Variants in METAP1D observed in about 807,000 individuals in gnomAD.
The protein encoded by METAP1D is methionyl aminopeptidase type 1D, mitochondrial.
A neutral mutation model predicts 40.5 loss-of-function variants in METAP1D; 31 were observed. The observed-to-expected ratio is 0.77, with a 90% CI of 0.58 to 1.03. The LOEUF is 1.03. METAP1D is among the 50% of genes least tolerant of loss of function. The pLI, the probability that METAP1D is intolerant of heterozygous loss-of-function variation, is 0.00. For synonymous variants in METAP1D, 151 were observed against 146.4 expected (o/e 1.03, Z -0.22); for missense variants, 411 against 420.7 (o/e 0.98, Z 0.20).
rs774575033 is a variant in METAP1D at position 172,066,265 on chromosome 2, C to A, written c.499C>A (p.Arg167=). 9 of 1,609,172 alleles carry A rather than the reference C, an allele frequency of 5.6e-6. No homozygotes were observed. The highest frequency in any genetic ancestry group is 3.3e-4 in the Middle Eastern group (2 of 6,072). ...TTTTTTTTTCTGTTTACGTTTTAGT[C>A]GACCTCTTCAGGATGGAGATATTAT... ...NVLCHGIPDS[R]PLQDGDIINI... is the part of the protein sequence containing the mutation. The change falls in exon 5 of 10, where the codon CGA becomes AGA. Residue 167 remains arginine (R), a splice_region_variant and synonymous_variant. Transcript: ENST00000315796.
At chr2:172,024,523 A>G (rs973942333) in intron 1 of METAP1D, among the ~76,000 whole-genome samples, 1 of 152,154 alleles carries the variant, frequency 6.6e-6, no homozygotes, top group African/African-American at 2.4e-5. Context: ...ATTGGCCTCC[A>G]GAACCCTAAC....
chr2:172,043,204 G>C lies in METAP1D; in HGVS notation c.41-18294G>C, dbSNP rs534430690. Among the ~76,000 whole-genome samples, 10 of 130,494 alleles carry C rather than the reference G, an allele frequency of 7.7e-5. 3 individuals are homozygous for C. The South Asian group carries it at 2.5e-3, about 32-fold the overall frequency. 85.6% of individuals were successfully genotyped at this position (130,494 alleles called of 152,430 possible). A position where few individuals can be genotyped will look rare whatever the true frequency, so the allele number is the denominator to read the frequency against. ...CAATCTTCCCATCTCAGCCTCCCAA[G>C]TAGCTGGGATTATAGGCACCCAGCT... is the stretch of plus-strand genomic sequence containing the variant. On this transcript the variant is annotated intron_variant, in intron 1 of 9. Coordinates refer to ENST00000315796, the MANE Select transcript of METAP1D (RefSeq NM_199227.3).
intron 1 of METAP1D, among the ~76,000 whole-genome samples, chr2:172,022,333 C>A (rs1465981029): frequency 6.6e-6 from 1 of 152,142 alleles, no homozygotes; most frequent in Non-Finnish European, 1.5e-5. Flanking sequence ...TGGTGAACAT[C>A]CCAGCAGTGC....
At chr2:172,004,542 C>G (rs1356092523) in intron 1 of METAP1D, among the ~76,000 whole-genome samples, 1 of 152,080 alleles carries the variant, frequency 6.6e-6, no homozygotes, top group Non-Finnish European at 1.5e-5. Context: ...CCAGGCTGGT[C>G]TCGAACTCCT....
rs189370921 is a variant in METAP1D at position 172,010,544 on chromosome 2, A to C, written c.40+10535A>C. 6.3e-5 allele frequency among the ~76,000 whole-genome samples: 8 copies of C among 126,764 alleles called. No homozygotes were observed. In the East Asian group the frequency reaches 1.6e-3, roughly 25 times the overall value. 83.2% of individuals were successfully genotyped at this position (126,764 alleles called of 152,430 possible). On this transcript the variant is annotated intron_variant, in intron 1 of 9. Transcript: ENST00000315796. ...AATCTCACTCTGTCACGCAAGCTAG[A>C]GGACAGTGGTGCAATCTCAGCTCAC...
intron 5 of METAP1D, among the ~76,000 whole-genome samples, chr2:172,069,362 T>G (rs1363067439): frequency 1.3e-5 from 2 of 152,246 alleles, no homozygotes; most frequent in African/African-American, 4.8e-5. Flanking sequence ...TTTATATTCT[T>G]GTATTTTGAA....
At chr2:172,025,296 G>A (rs1163368521) in intron 1 of METAP1D, among the ~76,000 whole-genome samples, 3 of 152,060 alleles carry the variant, frequency 2.0e-5, no homozygotes, top group Non-Finnish European at 2.9e-5. Context: ...TATTAACTGA[G>A]AATTTTTTTA....
At chr2:172,045,813 GTGTGTGTATATATATATATATATATA>G (rs1354982860) in intron 1 of METAP1D, among the ~76,000 whole-genome samples, 10 of 39,390 alleles carry the variant, frequency 2.5e-4, no homozygotes, top group Non-Finnish European at 4.0e-4. Flanking sequence ...GTGTGTGTGT[GTGTGTGTATATATATATATATATATA>G]TATATATATA....
chr2:172,003,257 T>G (rs1342789992), intron 1 of METAP1D, among the ~76,000 whole-genome samples: 1 of 152,106 alleles, frequency 6.6e-6, no homozygotes, highest in Non-Finnish European at 1.5e-5. Context: ...CAAGTATTAG[T>G]GCTGGCAGGA....
At chr2:172,019,496 G>C (rs1045094067) in intron 1 of METAP1D, among the ~76,000 whole-genome samples, 1 of 151,864 alleles carries the variant, frequency 6.6e-6, no homozygotes. Flanking sequence ...CGGGAGGATT[G>C]TTTGAACTCA....
In METAP1D at chr2:172,001,539, G is replaced by GA. The variant is rs201208921; in HGVS notation, c.40+1540dup. On this transcript the variant is annotated intron_variant, in intron 1 of 9. Transcript: ENST00000315796. ...GGCGACAGAGCGAGACTCCGTCTCA[G>GA]AAAAAAAAAATAAATAAAAATAATA... Among the ~76,000 whole-genome samples the GA allele has an allele frequency of 6.5e-3, 949 of 147,086 alleles. 9 individuals are homozygous for GA. The highest frequency in any genetic ancestry group is 0.018 in the African/African-American group (710 of 40,094).
At chr2:172,039,456 TAC>T (rs1689464335) in intron 1 of METAP1D, among the ~76,000 whole-genome samples, 1 of 152,216 alleles carries the variant, frequency 6.6e-6, no homozygotes, top group South Asian at 2.1e-4. Context: ...TGTACAATTG[TAC>T]AGTTTCCAAC....
chr2:172,028,542 CTG>C (rs10529698), intron 1 of METAP1D, among the ~76,000 whole-genome samples: 6,561 of 141,154 alleles, frequency 0.046, 155 homozygotes, highest in African/African-American at 0.078. Flanking sequence ...GTATGTGTGT[CTG>C]TGTGTGTGTG....
intron 1 of METAP1D, among the ~76,000 whole-genome samples, chr2:172,054,590 C>T (rs1254285628): frequency 6.6e-6 from 1 of 152,058 alleles, no homozygotes; most frequent in Non-Finnish European, 1.5e-5. Context: ...TATAATCCTA[C>T]CTTCAGATTT....
chr2:172,052,275 G>T (rs1484327919), intron 1 of METAP1D, among the ~76,000 whole-genome samples: 3 of 152,200 alleles, frequency 2.0e-5, no homozygotes, highest in African/African-American at 7.2e-5. Context: ...TGGTGAAACA[G>T]ATCCACTTTT....
chr2:172,067,278 T>C (rs1690305733), intron 5 of METAP1D, among the ~76,000 whole-genome samples: 2 of 152,242 alleles, frequency 1.3e-5, no homozygotes, highest in Non-Finnish European at 2.9e-5. Flanking sequence ...TTAAGAATAG[T>C]ATCTAGACCA....
At position 172,060,059 on chromosome 2, in the gene METAP1D, G is replaced by A. The variant is rs117240463; in HGVS notation, c.41-1439G>A. On this transcript the variant is annotated intron_variant, in intron 1 of 9. Transcript: ENST00000315796. ...GAGTGAGACTCCGTCTCAAAAAAAA[G>A]AAACCAAAAAACAAAAAACAAAAAA... 0.037 allele frequency among the ~76,000 whole-genome samples: 5,555 copies of A among 151,186 alleles called. 598 individuals carry two copies. In the East Asian group the frequency reaches 0.45, roughly 12 times the overall value.
chr2:172,061,337 G>T (rs1425357118), intron 1 of METAP1D, among the ~76,000 whole-genome samples, 161 bp from the exon 2 acceptor site: 1 of 152,146 alleles, frequency 6.6e-6, no homozygotes, highest in Non-Finnish European at 1.5e-5. Context: ...TATTGTACTA[G>T]AATTCAGAAT....
intron 7 of METAP1D, 134 bp downstream of exon 7, chr2:172,078,028 C>A: frequency 5.1e-5 from 17 of 331,188 alleles, no homozygotes; most frequent in Middle Eastern, 3.6e-4. Context: ...GTGCAGGGGG[C>A]AGGGGAGGGG....
Sources: allele counts gnomAD v4.1 joint callset (sites outside exome capture counted in the v4.1 genomes callset), GRCh38; gene constraint gnomAD v4.1.1; transcripts MANE v1.5; gene names NCBI Gene and HGNC (gene_info 2026-07-23, HGNC 2026-07-21).